The following LRP1B variants were observed in gnomAD, a reference collection of about 807,000 sequenced individuals.
LRP1B encodes low-density lipoprotein receptor-related protein 1B.
In LRP1B, 217 loss-of-function variants were observed where a neutral mutation model predicts 556.6. The observed-to-expected ratio is 0.39, with a 90% CI of 0.35 to 0.44. The LOEUF is 0.44. Among genes scored for constraint, LRP1B ranks in the 20% least tolerant of loss-of-function variants. LRP1B has a pLI of 1.00. For synonymous variants in LRP1B, 2,047 were observed against 1,865.8 expected, an observed-to-expected ratio of 1.10 and a Z score of -2.50; for missense variants, 5,053 against 5,620.8, an observed-to-expected ratio of 0.90 and a Z score of 3.23.
Position 141,980,779 on chromosome 2 carries a change from C to G in LRP1B, c.82+149869G>C, listed in dbSNP as rs185182761. On this transcript the variant is annotated intron_variant, in intron 1 of 90. Transcript: ENST00000389484. ...AGTGTAACTGTTAATTAAGAATCAA[C>G]TGTGAATTTTCCTGAATTTTAAATG... Among the ~76,000 whole-genome samples the G allele has an allele frequency of 1.6e-3, 237 of 152,204 alleles. 1 individual carries two copies. The highest frequency in any genetic ancestry group is 5.4e-3 in the African/African-American group (223 of 41,554).
At chr2:141,233,536 C>T (rs887571522) in intron 5 of LRP1B, among the ~76,000 whole-genome samples, 2 of 152,098 alleles carry the variant, frequency 1.3e-5, no homozygotes, top group Admixed American at 1.3e-4. Flanking sequence ...CTTGGAAAGG[C>T]TTATTTGACC....
chr2:140,969,617 A>C (rs556369416), intron 18 of LRP1B, among the ~76,000 whole-genome samples: 4 of 152,270 alleles, frequency 2.6e-5, no homozygotes, highest in South Asian at 4.1e-4. Context: ...TCTTCCTAGC[A>C]TCGATGGTCT....
chr2:140,702,582 T>C lies in LRP1B; in HGVS notation c.6024-29A>G, dbSNP rs767470733. ...AAATTAAATTGTTAATTTGTAGTGT[T>C]TATGTACATTTATTTGTAGTATGCA... On this transcript the variant is annotated intron_variant, in intron 37 of 90. Coordinates refer to ENST00000389484, the MANE Select transcript of LRP1B (RefSeq NM_018557.3). 21 of 1,606,804 alleles carry C rather than the reference T, an allele frequency of 1.3e-5. No homozygotes were observed. The Admixed American group carries it at 2.5e-4, about 19-fold the overall frequency.
intron 18 of LRP1B, among the ~76,000 whole-genome samples, chr2:140,971,798 C>T (rs1016877639): frequency 3.3e-5 from 5 of 152,158 alleles, no homozygotes; most frequent in African/African-American, 7.2e-5. Flanking sequence ...GGCGCCACTG[C>T]GCTCTAGCCT....
intron 41 of LRP1B, among the ~76,000 whole-genome samples, chr2:140,640,521 G>A (rs1308639957): frequency 5.7e-5 from 8 of 139,210 alleles, no homozygotes; most frequent in South Asian, 4.9e-4. Context: ...TCAGCCTCCC[G>A]AGTAGCTGGG....
intron 37 of LRP1B, among the ~76,000 whole-genome samples, chr2:140,710,741 C>T (rs1351642202): frequency 1.3e-5 from 2 of 151,870 alleles, no homozygotes; most frequent in African/African-American, 2.4e-5. Flanking sequence ...GTGGAGAAAA[C>T]TGTCCTGGAG....
intron 2 of LRP1B, among the ~76,000 whole-genome samples, chr2:141,696,943 G>A (rs1691752078): frequency 6.6e-6 from 1 of 151,714 alleles, no homozygotes; most frequent in Admixed American, 6.6e-5. Context: ...ATAATAATAC[G>A]GTAATGTAAT....
In LRP1B at chr2:141,067,884, C is replaced by G. The variant is rs75904869; in HGVS notation, c.1014-5611G>C. ...GGGTGTGAGAGAAGAAATACTGGAG[C>G]CTGCATATCAAAGTAAAGGGGCTAT... is the stretch of plus-strand genomic sequence containing the variant. On this transcript the variant is annotated intron_variant, in intron 7 of 90. Transcript: ENST00000389484. Among the ~76,000 whole-genome samples the G allele has an allele frequency of 5.9e-3, 892 of 151,860 alleles. 10 individuals are homozygous for G. The highest frequency in any genetic ancestry group is 0.02 in the African/African-American group (842 of 41,462).
chr2:141,202,813 C>CAT (rs1682096555), intron 6 of LRP1B, among the ~76,000 whole-genome samples: 2 of 151,994 alleles, frequency 1.3e-5, no homozygotes, highest in South Asian at 4.1e-4. Flanking sequence ...CATAGGTATA[C>CAT]ATGTTTGCTG....
chr2:142,093,834 C>G lies in LRP1B; in HGVS notation c.82+36814G>C, dbSNP rs182634043. ...GTGGGAAGAATTTAAAAGTGGCTTT[C>G]AAGAAGATATGGTGCAGGCAATACA... On this transcript the variant is annotated intron_variant, in intron 1 of 90. Transcript: ENST00000389484. 1.2e-4 allele frequency among the ~76,000 whole-genome samples: 18 copies of G among 152,140 alleles called. 1 individual carries two copies. The East Asian group carries it at 3.3e-3, about 28-fold the overall frequency.
intron 79 of LRP1B, among the ~76,000 whole-genome samples, chr2:140,329,114 T>C (rs1680655886): frequency 6.6e-6 from 1 of 152,074 alleles, no homozygotes; most frequent in African/African-American, 2.4e-5. Flanking sequence ...CCTTACTGGA[T>C]GCAAAGCTGG....
At chr2:141,070,375 A>G (rs1699604294) in intron 7 of LRP1B, among the ~76,000 whole-genome samples, 1 of 151,514 alleles carries the variant, frequency 6.6e-6, no homozygotes. Flanking sequence ...GGAAATTTAT[A>G]GCACTAAATG....
At chr2:140,801,237 A>G (rs190506732) in intron 32 of LRP1B, among the ~76,000 whole-genome samples, 233 of 152,330 alleles carry the variant, frequency 1.5e-3, no homozygotes, top group African/African-American at 4.4e-3. Flanking sequence ...CCACTGTATT[A>G]GGAAAATACG....
At chr2:140,297,566 G>GA (rs1683659853) in intron 84 of LRP1B, among the ~76,000 whole-genome samples, 1 of 152,126 alleles carries the variant, frequency 6.6e-6, no homozygotes, top group Non-Finnish European at 1.5e-5. Context: ...GAAGGGAGCT[G>GA]AGGGTGTACA....
At chr2:141,848,401 C>CTA (rs1195852147) in intron 1 of LRP1B, among the ~76,000 whole-genome samples, 2 of 151,180 alleles carry the variant, frequency 1.3e-5, no homozygotes, top group South Asian at 2.1e-4. Flanking sequence ...TCTGGGCATG[C>CTA]TATATATAGA....
chr2:141,396,492 A>C (rs1334618432), intron 3 of LRP1B, among the ~76,000 whole-genome samples: 2 of 152,160 alleles, frequency 1.3e-5, no homozygotes, highest in Non-Finnish European at 2.9e-5. Flanking sequence ...TAGTGGCTAT[A>C]GATAAAGCCA....
Position 140,907,889 on chromosome 2 carries a change from C to T in LRP1B, c.3508G>A (p.Gly1170Ser), listed in dbSNP as rs962003273. 8 of 1,613,250 alleles carry T rather than the reference C, an allele frequency of 5.0e-6. No individual in the cohort carries two copies. The African/African-American group carries it at 1.1e-4, about 22-fold the overall frequency. ...KKDCPDGSDE[G>S]YLCDECSLNN... is the part of the protein sequence containing the mutation. ...AAACATGCAATACCACAGAGATAGC[C>T]TTCATCAGAGCCATCAGGACAATCC... Residue 1170 changes from glycine to serine, a missense_variant, in exon 22 of 91, where the codon GGC (glycine) becomes AGC (serine). Gly to Ser is a moderately conservative substitution (Grantham distance 56, BLOSUM62 0). Coordinates refer to ENST00000389484, the MANE Select transcript of LRP1B (RefSeq NM_018557.3).
At chr2:141,837,048 G>A (rs1697306254) in intron 1 of LRP1B, among the ~76,000 whole-genome samples, 1 of 151,842 alleles carries the variant, frequency 6.6e-6, no homozygotes, top group Non-Finnish European at 1.5e-5. Flanking sequence ...GGTGTTAGAG[G>A]GTTAATCCAG....
intron 2 of LRP1B, among the ~76,000 whole-genome samples, chr2:141,629,671 G>A (rs1688837549): frequency 6.6e-6 from 1 of 152,000 alleles, no homozygotes; most frequent in African/African-American, 2.4e-5. Context: ...TTCACTAATT[G>A]TATGAGGTTG....
Sources: gnomAD v4.1 joint callset for allele counts (sites outside exome capture counted in the v4.1 genomes callset) on GRCh38, gnomAD v4.1.1 for gene constraint, MANE v1.5 for transcripts, NCBI Gene and HGNC (gene_info 2026-07-23, HGNC 2026-07-21) for gene names.